The following ZNF667 variants were observed in gnomAD, a reference collection of about 807,000 sequenced individuals.
The protein encoded by ZNF667 is myocardial ischemic preconditioning upregulated 1 ortholog.
A neutral mutation model predicts 31.8 loss-of-function variants in ZNF667; 13 were observed. The ratio of observed to expected loss-of-function variants is 0.41; its 90% CI spans 0.27 to 0.65. ZNF667 has a LOEUF of 0.65. ZNF667 is among the 30% of genes least tolerant of loss of function. The pLI is 0.32. For synonymous variants in ZNF667, 228 were observed against 247.1 expected, an observed-to-expected ratio of 0.92 and a Z score of 0.73; for missense variants, 642 against 725.6, an observed-to-expected ratio of 0.88 and a Z score of 1.32.
chr19:56,464,077 T>C (rs2043108651), intron 3 of ZNF667, among the ~76,000 whole-genome samples: 1 of 152,188 alleles, frequency 6.6e-6, no homozygotes, highest in Non-Finnish European at 1.5e-5. Flanking sequence ...GGACCGTGTG[T>C]ATAAAATTTG....
At chr19:56,475,579 AG>A (rs2147860162) in intron 1 of ZNF667, 1 of 152,250 alleles carries the variant, frequency 6.6e-6, no homozygotes, top group African/African-American at 2.4e-5. Flanking sequence ...AATAGAGCCC[AG>A]GGTTGCTGCA....
At position 56,462,425 on chromosome 19, in the gene ZNF667, C is replaced by A. The variant is rs535284651; in HGVS notation, c.-55G>T. 1.2e-6 allele frequency: 2 copies of A among 1,610,688 alleles called. No individual in the cohort carries two copies. The highest frequency in any genetic ancestry group is 4.5e-5 in the East Asian group (2 of 44,862). Reference sequence around the variant, plus strand: ...AGAGATGGGCAGAGAGCTGGTAAGGCAGGGCTGTGGGGAGAAGACAGGTCA... The same window carrying A: ...AGAGATGGGCAGAGAGCTGGTAAGGAAGGGCTGTGGGGAGAAGACAGGTCA... On this transcript the variant is annotated 5_prime_UTR_variant, in exon 4 of 7. Coordinates refer to ENST00000504904, the MANE Select transcript of ZNF667 (RefSeq NM_001321356.2).
At chr19:56,466,233 A>G (rs996361137) in intron 3 of ZNF667, among the ~76,000 whole-genome samples, 5 of 152,184 alleles carry the variant, frequency 3.3e-5, no homozygotes, top group Non-Finnish European at 7.4e-5. Flanking sequence ...GTAATAAATC[A>G]TTAGCTGTGA....
At chr19:56,462,559 AC>A in intron 3 of ZNF667, 130 bp from the exon 4 acceptor site, 1 of 647,094 alleles carries the variant, frequency 1.5e-6, no homozygotes, top group East Asian at 2.7e-5. Context: ...ATGTCAGAAC[AC>A]CTGGCGCATT....
chr19:56,451,868 C>CAAAAAAAAAAA (rs71184363), intron 6 of ZNF667, among the ~76,000 whole-genome samples: 27 of 80,950 alleles, frequency 3.3e-4, no homozygotes, highest in African/African-American at 1.0e-3. Flanking sequence ...GACCCTGTCT[C>CAAAAAAAAAAA]AAAAAAAAAA....
intron 3 of ZNF667, chr19:56,468,437 T>C (rs2043213114): frequency 6.6e-6 from 1 of 152,276 alleles, no homozygotes; most frequent in Non-Finnish European, 1.5e-5. Flanking sequence ...TATCTACCTA[T>C]GACCTGAAAG....
At chr19:56,473,577 G>A (rs960931800) in intron 2 of ZNF667, among the ~76,000 whole-genome samples, 2 of 152,208 alleles carry the variant, frequency 1.3e-5, no homozygotes, top group African/African-American at 4.8e-5. Flanking sequence ...TGGGAAAACT[G>A]CAATGTCTGA....
intron 3 of ZNF667, among the ~76,000 whole-genome samples, chr19:56,465,343 G>A (rs764151163): frequency 2.0e-5 from 3 of 152,202 alleles, no homozygotes; most frequent in Non-Finnish European, 2.9e-5. Flanking sequence ...GTTAGGTAAT[G>A]GATATGTTTT....
chr19:56,450,652 C>A (rs1198762482), intron 6 of ZNF667, among the ~76,000 whole-genome samples: 1 of 152,040 alleles, frequency 6.6e-6, no homozygotes, highest in Non-Finnish European at 1.5e-5. Context: ...GACAAAAAAA[C>A]GGCAACTACA....
chr19:56,477,574 C>T (rs1363183318), upstream of ZNF667: 2 of 152,718 alleles, frequency 1.3e-5, no homozygotes, highest in East Asian at 1.9e-4. Context: ...TGCGCACACC[C>T]CCGAGGCTGG....
intron 6 of ZNF667, 32 bp from the exon 7 acceptor site, chr19:56,442,773 C>T: frequency 1.3e-6 from 2 of 1,489,580 alleles, no homozygotes; most frequent in Non-Finnish European, 1.8e-6. Flanking sequence ...AATGTTTCTC[C>T]TTTTCCATGC....
chr19:56,449,517 TA>T, intron 6 of ZNF667: 1 of 277,570 alleles, frequency 3.6e-6, no homozygotes, highest in Non-Finnish European at 7.3e-6. Flanking sequence ...CCGTCTCTAC[TA>T]AAAATAAAAA....
chr19:56,476,549 C>T (rs1030071122), intron 1 of ZNF667, among the ~76,000 whole-genome samples: 14 of 152,194 alleles, frequency 9.2e-5, no homozygotes, highest in Non-Finnish European at 1.5e-5. Flanking sequence ...GTTTCAGCTA[C>T]GTCATCCCAT....
At chr19:56,443,904 A>T (rs2042669127) in intron 6 of ZNF667, among the ~76,000 whole-genome samples, 2 of 152,204 alleles carry the variant, frequency 1.3e-5, no homozygotes, top group African/African-American at 4.8e-5. Flanking sequence ...TGATAAACAC[A>T]GGCTTTAGAA....
intron 3 of ZNF667, chr19:56,467,830 C>T (rs761991446): frequency 2.6e-5 from 4 of 152,200 alleles, no homozygotes; most frequent in Non-Finnish European, 4.4e-5. Flanking sequence ...GCTTCCATGC[C>T]TTCCTTGGGA....
chr19:56,473,057 C>T (rs186094506), intron 2 of ZNF667: 1 of 152,318 alleles, frequency 6.6e-6, no homozygotes, highest in East Asian at 1.9e-4. Context: ...ACTCTTTAAT[C>T]CAGCAACCTT....
chr19:56,452,298 C>G (rs1427306829), intron 6 of ZNF667, among the ~76,000 whole-genome samples: 1 of 152,102 alleles, frequency 6.6e-6, no homozygotes, highest in Non-Finnish European at 1.5e-5. Flanking sequence ...GATCCGCCCA[C>G]CTCGGCCTCC....
chr19:56,462,113 C>T (rs1050590060), intron 4 of ZNF667, among the ~76,000 whole-genome samples: 4 of 152,198 alleles, frequency 2.6e-5, no homozygotes, highest in Non-Finnish European at 5.9e-5. Context: ...AACAAACAGG[C>T]CAGTGGCCAT....
chr19:56,453,319 C>G (rs1037856344), intron 6 of ZNF667, among the ~76,000 whole-genome samples: 1 of 152,176 alleles, frequency 6.6e-6, no homozygotes, highest in African/African-American at 2.4e-5. Context: ...CAATCCTACT[C>G]AAACTATTCC....
Sources: gnomAD v4.1 joint callset for allele counts (sites outside exome capture counted in the v4.1 genomes callset) on GRCh38, gnomAD v4.1.1 for gene constraint, MANE v1.5 for transcripts, NCBI Gene and HGNC (gene_info 2026-07-23, HGNC 2026-07-21) for gene names.